The following NIN variants were observed in gnomAD, a reference collection of about 807,000 sequenced individuals.
NIN encodes the protein ninein.
In NIN, 137 loss-of-function variants were observed where a neutral mutation model predicts 257.6. The ratio of observed to expected loss-of-function variants is 0.53; its 90% CI spans 0.46 to 0.61. NIN has a LOEUF of 0.61. NIN is among the 20% of genes least tolerant of loss of function. NIN has a pLI of 0.00. For synonymous variants in NIN, 918 were observed against 919.8 expected (o/e 1.00, Z 0.04); for missense variants, 2,439 against 2,501.2 (o/e 0.98, Z 0.53).
intron 4 of NIN, among the ~76,000 whole-genome samples, chr14:50,793,671 C>T (rs1344557377): frequency 1.3e-5 from 2 of 152,188 alleles, no homozygotes; most frequent in African/African-American, 2.4e-5. Context: ...TCAGGTTCAA[C>T]ACTGACCACC....
intron 5 of NIN, 130 bp from the exon 6 acceptor site, chr14:50,778,934 C>A: frequency 1.1e-6 from 1 of 929,506 alleles, no homozygotes; most frequent in Admixed American, 2.0e-5. Flanking sequence ...TTTCAGGACT[C>A]TCTAGTGTAT....
At chr14:50,810,303 T>C (rs1016745993) in intron 3 of NIN, among the ~76,000 whole-genome samples, 3 of 151,590 alleles carry the variant, frequency 2.0e-5, no homozygotes, top group Non-Finnish European at 2.9e-5. Context: ...TACCTGATTA[T>C]TATAAACTTC....
At chr14:50,738,491 C>T (rs116702665) in intron 26 of NIN, among the ~76,000 whole-genome samples, 1 of 152,292 alleles carries the variant, frequency 6.6e-6, no homozygotes, top group African/African-American at 2.4e-5. Context: ...AAACCCAGGA[C>T]TGTAGGAACA....
At chr14:50,797,393 T>C (rs1361693344) in intron 4 of NIN, among the ~76,000 whole-genome samples, 1 of 152,180 alleles carries the variant, frequency 6.6e-6, no homozygotes, top group Non-Finnish European at 1.5e-5. Context: ...TGGGAAATCA[T>C]TCCCAGAGAC....
Position 50,784,699 on chromosome 14 carries a change from T to A in NIN, c.436-5895A>T, listed in dbSNP as rs895055455. On this transcript the variant is annotated intron_variant, in intron 5 of 30. Transcript: ENST00000530997. The stretch of plus-strand genomic sequence containing the variant: ...CACAATGTATCCATATATCAAAACA[T>A]CATGTTGTACACTGTAAACGTACAT... Among the ~76,000 whole-genome samples, 18 of 152,022 alleles carry A rather than the reference T, an allele frequency of 1.2e-4. 1 individual carries two copies. Among genetic ancestry groups the A allele is most frequent in the South Asian group, 4.1e-4 (2 of 4,832 alleles).
intron 15 of NIN, 49 bp from the exon 16 acceptor site, chr14:50,761,960 C>G (rs2042291609): frequency 6.2e-7 from 1 of 1,603,746 alleles, no homozygotes; most frequent in African/African-American, 1.3e-5. Context: ...CTTTCAATAA[C>G]ACAGTGTGGC....
At chr14:50,776,878 G>A (rs1329646633) in intron 7 of NIN, 71 bp downstream of exon 7, 3 of 1,376,148 alleles carry the variant, frequency 2.2e-6, no homozygotes, top group African/African-American at 1.4e-5. Flanking sequence ...CCACACTACA[G>A]CTGTTCCTAG....
chr14:50,785,556 C>T (rs780577260), intron 5 of NIN, among the ~76,000 whole-genome samples: 1 of 152,158 alleles, frequency 6.6e-6, no homozygotes, highest in Admixed American at 6.5e-5. Flanking sequence ...ACTAGAGTAA[C>T]ATAGCTCCCC....
intron 2 of NIN, among the ~76,000 whole-genome samples, chr14:50,824,268 A>C (rs2045362649): frequency 6.6e-6 from 1 of 152,232 alleles, no homozygotes; most frequent in Non-Finnish European, 1.5e-5. Context: ...CCCTGATCTT[A>C]TCCACGGTGT....
At chr14:50,785,830 G>A (rs557537085) in intron 5 of NIN, among the ~76,000 whole-genome samples, 1 of 152,332 alleles carries the variant, frequency 6.6e-6, no homozygotes, top group South Asian at 2.1e-4. Context: ...TGGGACTGTG[G>A]TTCATTTTCC....
At chr14:50,766,470 T>A (rs2042492576) in intron 13 of NIN, 74 bp from the exon 14 acceptor site, 1 of 1,283,238 alleles carries the variant, frequency 7.8e-7, no homozygotes, top group Non-Finnish European at 1.1e-6. Flanking sequence ...AAAGGCCCAG[T>A]TTCTGGTATT....
intron 29 of NIN, among the ~76,000 whole-genome samples, chr14:50,728,246 G>A (rs2040510725): frequency 6.6e-6 from 1 of 152,100 alleles, no homozygotes; most frequent in East Asian, 1.9e-4. Context: ...TCAAAGTTTT[G>A]TAGTTCAATT....
At chr14:50,740,514 A>G (rs2140483952) in intron 25 of NIN, among the ~76,000 whole-genome samples, 1 of 151,682 alleles carries the variant, frequency 6.6e-6, no homozygotes, top group African/African-American at 2.4e-5. Flanking sequence ...ATGCCCAGCT[A>G]ATTTTTTTTA....
At chr14:50,814,536 A>G (rs1403506773) in intron 3 of NIN, among the ~76,000 whole-genome samples, 1 of 152,232 alleles carries the variant, frequency 6.6e-6, no homozygotes, top group Non-Finnish European at 1.5e-5. Flanking sequence ...AGAGTATTTA[A>G]GATAACGTGT....
Position 50,758,650 on chromosome 14 carries a change from A to G in NIN, c.2400-20T>C. The G allele has an allele frequency of 6.6e-7, 1 of 1,526,302 alleles. No individual in the cohort carries two copies. The highest frequency in any genetic ancestry group is 8.8e-7 in the Non-Finnish European group (1 of 1,139,078). The allele number at this position is 1,526,302 out of a possible 1,614,324, so 94.5% of individuals were successfully genotyped here. ...TTTTCCCTAAATATAGTCAACATAC[A>G]GCATTATTGAAACTGCCGCCAACTC... On this transcript the variant is annotated intron_variant, in intron 17 of 30. Transcript: ENST00000530997.
intron 3 of NIN, among the ~76,000 whole-genome samples, chr14:50,809,046 C>A (rs2044461126): frequency 6.6e-6 from 1 of 152,092 alleles, no homozygotes; most frequent in African/African-American, 2.4e-5. Context: ...CATGGTGAAA[C>A]CCCGTCTCCA....
At chr14:50,777,957 C>T (rs1566837473) in intron 6 of NIN, among the ~76,000 whole-genome samples, 2 of 152,134 alleles carry the variant, frequency 1.3e-5, no homozygotes, top group African/African-American at 2.4e-5. Flanking sequence ...TCTTTAGTGA[C>T]AGGAATTAAG....
intron 21 of NIN, among the ~76,000 whole-genome samples, chr14:50,750,877 G>A (rs1049178609): frequency 7.9e-5 from 12 of 152,080 alleles, no homozygotes; most frequent in Admixed American, 2.0e-4. Context: ...CCCTTCTAGC[G>A]CATTCTCATT....
Position 50,757,437 on chromosome 14 carries a change from T to C in NIN, c.3593A>G (p.Asn1198Ser). Reference sequence around the variant, plus strand: ...CTGTTCCTGAAGCTGACTAATCTGATTCTTCAGCTCCCAGGATTCAGTCCT... The same window carrying C: ...CTGTTCCTGAAGCTGACTAATCTGACTCTTCAGCTCCCAGGATTCAGTCCT... ...ETRTESWELK[N>S]QISQLQEQLM... is the part of the protein sequence containing the mutation. The change falls in exon 18 of 31, where the codon AAT becomes AGT. Residue 1198 changes from asparagine (N) to serine (S), a missense_variant. By Grantham distance (46) the Asn-to-Ser change is conservative (BLOSUM62 1). Around this residue, in one of 3 missense-constraint regions of NIN, gnomAD observed 2,043 missense variants for 2,050.2 expected, o/e 1.00. Transcript: ENST00000530997. 6.2e-7 allele frequency: 1 copy of C among 1,614,178 alleles called. No homozygotes were observed. Among genetic ancestry groups the C allele is most frequent in the Non-Finnish European group, 8.5e-7 (1 of 1,180,024 alleles).
Sources: gnomAD v4.1 joint callset for allele counts (sites outside exome capture counted in the v4.1 genomes callset) on GRCh38, gnomAD v4.1.1 for gene constraint, gnomAD v4.1.1 regional missense constraint, MANE v1.5 for transcripts, NCBI Gene and HGNC (gene_info 2026-07-23, HGNC 2026-07-21) for gene names.